Variants in FBN2 observed in about 807,000 individuals in gnomAD.
The protein encoded by FBN2 is fibrillin 2.
In FBN2, 105 loss-of-function variants were observed where a neutral mutation model predicts 355.6. That is an observed-to-expected ratio of 0.30 (90% CI 0.25 to 0.35). The LOEUF (loss-of-function observed/expected upper bound fraction) is 0.35, where lower values mean the gene tolerates loss of function less well. Ranked by LOEUF, FBN2 falls within the 10% of genes least tolerant of loss-of-function variation. FBN2 has a pLI of 1.00. For synonymous variants in FBN2, 1,350 were observed against 1,301.2 expected (o/e 1.04, Z -0.81); for missense variants, 3,280 against 3,758.7 (o/e 0.87, Z 3.33).
intron 5 of FBN2, among the ~76,000 whole-genome samples, chr5:128,489,497 T>C (rs1252776261): frequency 6.6e-6 from 1 of 152,220 alleles, no homozygotes; most frequent in Admixed American, 6.5e-5. Context: ...TCTAGTCTAC[T>C]TAAGAATTTT....
intron 7 of FBN2, among the ~76,000 whole-genome samples, chr5:128,436,666 T>A (rs10067859): frequency 0.13 from 18,020 of 137,952 alleles, 1,364 homozygotes; most frequent in African/African-American, 0.23. Flanking sequence ...TGGCTCCACT[T>A]AAAAAAAAAA....
intron 10 of FBN2, among the ~76,000 whole-genome samples, chr5:128,392,432 C>T (rs1752540311): frequency 6.6e-6 from 1 of 152,280 alleles, no homozygotes; most frequent in South Asian, 2.1e-4. Context: ...GAGTGCTTTC[C>T]GTTTCTCCTT....
chr5:128,457,841 G>T (rs1450603091), intron 6 of FBN2, among the ~76,000 whole-genome samples: 1 of 142,362 alleles, frequency 7.0e-6, no homozygotes, highest in African/African-American at 2.6e-5. Context: ...ACCAGACACT[G>T]CAAAAAAAAA....
chr5:128,349,239 G>A (rs1475873871), intron 23 of FBN2, 108 bp downstream of exon 23: 35 of 1,306,756 alleles, frequency 2.7e-5, no homozygotes, highest in Middle Eastern at 5.0e-4. Flanking sequence ...CTCATTTAAA[G>A]CAAGTTTTCT....
rs1412455628 is a variant in FBN2 at position 128,361,965 on chromosome 5, C to G, written c.2429-117G>C. On this transcript the variant is annotated intron_variant, in intron 18 of 64. Coordinates refer to ENST00000262464, the MANE Select transcript of FBN2 (RefSeq NM_001999.4). ...CCCTCTTTCTTCTCTGTGACATAGT[C>G]TCTGTATCACAGCGCACTCTTCATC... 4.9e-6 allele frequency: 5 copies of G among 1,029,778 alleles called. No homozygotes were observed. In the African/African-American group the frequency reaches 6.3e-5, roughly 13 times the overall value. 63.8% of individuals were successfully genotyped at this position (1,029,778 alleles called of 1,614,324 possible).
At chr5:128,390,477 T>C (rs941374676) in intron 11 of FBN2, among the ~76,000 whole-genome samples, 33 of 152,188 alleles carry the variant, frequency 2.2e-4, no homozygotes, top group Admixed American at 5.2e-4. Flanking sequence ...TACCAGTCAA[T>C]ACAATGAACT....
chr5:128,369,391 A>G, intron 15 of FBN2, 57 bp from the exon 16 acceptor site: 1 of 1,584,870 alleles, frequency 6.3e-7, no homozygotes, highest in African/African-American at 1.3e-5. Flanking sequence ...AGAGATTTCG[A>G]AACAGAAGGC....
At chr5:128,460,178 A>G (rs2127077718) in intron 6 of FBN2, among the ~76,000 whole-genome samples, 1 of 152,334 alleles carries the variant, frequency 6.6e-6, no homozygotes, top group Non-Finnish European at 1.5e-5. Flanking sequence ...ATAGACAAAC[A>G]GAGAGTCAAA....
intron 17 of FBN2, chr5:128,365,425 CAA>C (rs1372364508): frequency 6.6e-6 from 1 of 152,074 alleles, no homozygotes; most frequent in Non-Finnish European, 1.5e-5. Context: ...AGCCCAAAGT[CAA>C]ATTTTGGTCA....
intron 13 of FBN2, 32 bp from the exon 14 acceptor site, chr5:128,376,885 T>C (rs1398751205): frequency 4.3e-6 from 7 of 1,611,320 alleles, no homozygotes; most frequent in Admixed American, 3.3e-5. Context: ...CTTTGAACAC[T>C]GGCCTTGAGG....
Position 128,328,718 on chromosome 5 carries a change from G to C in FBN2, c.4449C>G (p.Ala1483=). The part of the protein sequence containing the change: ...RCECEMGFTP[A]SDSRSCQDID... ...CACCTTGGCAGGATCTGCTGTCTGA[G>C]GCTGGAGTGAAGCCCATCTCACACT... The change falls in exon 34 of 65, where the codon GCC becomes GCG. Residue 1483 remains alanine (A), a synonymous_variant. Transcript: ENST00000262464. 1 of 1,614,104 alleles carries C rather than the reference G, an allele frequency of 6.2e-7. No homozygotes were observed. Among genetic ancestry groups the C allele is most frequent in the Non-Finnish European group, 8.5e-7 (1 of 1,180,030 alleles).
chr5:128,342,479 T>C (rs976193559), intron 25 of FBN2, among the ~76,000 whole-genome samples: 3 of 151,880 alleles, frequency 2.0e-5, no homozygotes, highest in African/African-American at 7.3e-5. Context: ...GGGGTGAGAC[T>C]TACCAGCAGG....
intron 48 of FBN2, among the ~76,000 whole-genome samples, chr5:128,300,272 T>C (rs1439248586): frequency 6.6e-6 from 1 of 152,268 alleles, no homozygotes; most frequent in East Asian, 1.9e-4. Flanking sequence ...GACTTCATCA[T>C]GTCCACTAGG....
At chr5:128,302,036 T>C (rs1041581390) in intron 46 of FBN2, among the ~76,000 whole-genome samples, 1 of 152,256 alleles carries the variant, frequency 6.6e-6, no homozygotes, top group Non-Finnish European at 1.5e-5. Context: ...ATTTAAGTTT[T>C]AGTTCTCCCT....
In FBN2 at chr5:128,527,930, G is replaced by A. The variant is rs1756605278; in HGVS notation, c.474C>T (p.Thr158=). ...QCSVRCMNGG[T]CADDHCQCQK... is the part of the protein sequence containing the mutation. ...GGCACTGGCAGTGGTCATCTGCACA[G>A]GTCCCACCATTCATGCATCTCACAC... Residue 158 remains threonine (T), a synonymous_variant, in exon 4 of 65, where the codon ACC becomes ACT. Coordinates refer to ENST00000262464, the MANE Select transcript of FBN2 (RefSeq NM_001999.4). 6.2e-7 allele frequency: 1 copy of A among 1,612,562 alleles called. No individual in the cohort carries two copies. The highest frequency in any genetic ancestry group is 1.7e-5 in the Admixed American group (1 of 59,876).
intron 5 of FBN2, among the ~76,000 whole-genome samples, chr5:128,465,351 C>A (rs1303068684): frequency 6.6e-6 from 1 of 152,194 alleles, no homozygotes; most frequent in Non-Finnish European, 1.5e-5. Flanking sequence ...CAGGACACCA[C>A]TAAATCCGAG....
At chr5:128,278,312 C>CTTTT (rs1765447104) in intron 57 of FBN2, among the ~76,000 whole-genome samples, 1 of 152,172 alleles carries the variant, frequency 6.6e-6, no homozygotes, top group Non-Finnish European at 1.5e-5. Context: ...AAGTCCATCC[C>CTTTT]TTAAAAAGTG....
Position 128,259,654 on chromosome 5 carries a change from A to G in FBN2, c.8540T>C (p.Ile2847Thr). Residue 2847 changes from isoleucine to threonine, a missense_variant, in exon 65 of 65, where the codon ATC (isoleucine) becomes ACC (threonine). Physicochemically the swap from Ile to Thr is moderately conservative, Grantham distance 89. Coordinates refer to ENST00000262464, the MANE Select transcript of FBN2 (RefSeq NM_001999.4). ...SQGNDDSVFR[I>T]HQRNGLSYLH... ...GTAGCTGAGCCCATTCCTTTGGTGG[A>G]TGCGGAAGACGCTGTCATCGTTCCC... 6.2e-7 allele frequency: 1 copy of G among 1,614,030 alleles called. No homozygotes were observed. Among genetic ancestry groups the G allele is most frequent in the South Asian group, 1.1e-5 (1 of 91,080 alleles).
At chr5:128,402,852 C>T (rs568219543) in intron 8 of FBN2, among the ~76,000 whole-genome samples, 3 of 152,274 alleles carry the variant, frequency 2.0e-5, no homozygotes, top group East Asian at 3.9e-4. Flanking sequence ...TCCTAAAATA[C>T]TTTCATGTTT....
Sources: gnomAD v4.1 joint callset for allele counts (sites outside exome capture counted in the v4.1 genomes callset) on GRCh38, gnomAD v4.1.1 for gene constraint, MANE v1.5 for transcripts, NCBI Gene and HGNC (gene_info 2026-07-23, HGNC 2026-07-21) for gene names.